Variants in ZNF516 observed in about 807,000 individuals in gnomAD.
ZNF516 encodes the protein zinc finger protein 516.
ZNF516 carries 19 observed loss-of-function variants against 79.7 expected under a neutral mutation model. The observed-to-expected ratio is 0.24, with a 90% CI of 0.17 to 0.35. The LOEUF (loss-of-function observed/expected upper bound fraction) is 0.35, where lower values mean the gene tolerates loss of function less well. Among genes scored for constraint, ZNF516 ranks in the 10% least tolerant of loss-of-function variants. ZNF516 has a pLI of 1.00. For missense variants in ZNF516, 1,678 were observed against 1,679.5 expected (o/e 1.00, Z 0.02); for synonymous variants, 877 against 739.5 (o/e 1.19, Z -3.02).
chr18:76,367,474 G>T (rs1943232335), intron 6 of ZNF516, among the ~76,000 whole-genome samples: 1 of 152,160 alleles, frequency 6.6e-6, no homozygotes, highest in Non-Finnish European at 1.5e-5. Context: ...AGGAGACCTG[G>T]TGCTCTCTAG....
chr18:76,458,336 C>T (rs1912859921), intron 2 of ZNF516, among the ~76,000 whole-genome samples: 1 of 152,194 alleles, frequency 6.6e-6, no homozygotes, highest in Admixed American at 6.5e-5. Context: ...AGCTCCAATT[C>T]CTGACGGGCC....
chr18:76,448,560 G>A (rs921152139), intron 2 of ZNF516, among the ~76,000 whole-genome samples: 1 of 152,156 alleles, frequency 6.6e-6, no homozygotes, highest in African/African-American at 2.4e-5. Context: ...AACACATACA[G>A]CCAGAAAGAA....
In ZNF516 at chr18:76,442,084, T is replaced by C; in HGVS notation, c.971A>G (p.Glu324Gly). The change falls in exon 3 of 7, where the codon GAG becomes GGG. Residue 324 changes from glutamate (E) to glycine (G), a missense_variant. Coordinates refer to ENST00000443185, the MANE Select transcript of ZNF516 (RefSeq NM_014643.4). Reference sequence around the variant, plus strand: ...GCTCAGGCCGGCGACGATCACCTCCTCCTGGACCACGTTGTTGATGGTGGC... The same window carrying C: ...GCTCAGGCCGGCGACGATCACCTCCCCCTGGACCACGTTGTTGATGGTGGC... ...PIATINNVVQ[E>G]EVIVAGLSLY... The C allele has an allele frequency of 6.2e-7, 1 of 1,614,016 alleles. No homozygotes were observed. The highest frequency in any genetic ancestry group is 8.5e-7 in the Non-Finnish European group (1 of 1,179,902).
In ZNF516 at chr18:76,441,412, C is replaced by G. The variant is rs558712591; in HGVS notation, c.1643G>C (p.Gly548Ala). The change falls in exon 3 of 7, where the codon GGG becomes GCG. Residue 548 changes from glycine (G) to alanine (A), a missense_variant. Transcript: ENST00000443185. Reference sequence around the variant, plus strand: ...GCAGCGGGCCCGCGCCGCCCTGTCCCCGTCACTGTCCCTCTCGCGGCGCGC... The same window carrying G: ...GCAGCGGGCCCGCGCCGCCCTGTCCGCGTCACTGTCCCTCTCGCGGCGCGC... ...RRARRERDSD[G>A]DRAARARCGS... The G allele has an allele frequency of 6.2e-7, 1 of 1,608,680 alleles. No homozygotes were observed. The highest frequency in any genetic ancestry group is 1.3e-5 in the African/African-American group (1 of 74,926).
At chr18:76,422,786 T>C (rs2075524716) in intron 3 of ZNF516, among the ~76,000 whole-genome samples, 1 of 152,024 alleles carries the variant, frequency 6.6e-6, no homozygotes, top group Admixed American at 6.6e-5. Context: ...ACTGCATATA[T>C]TGTGGGCAGA....
intron 4 of ZNF516, among the ~76,000 whole-genome samples, chr18:76,374,208 T>C (rs187858588): frequency 1.3e-5 from 2 of 152,380 alleles, no homozygotes; most frequent in Admixed American, 1.3e-4. Context: ...CTATTCTATC[T>C]GGAATTATTT....
At chr18:76,460,373 C>G (rs1913025615) in intron 2 of ZNF516, among the ~76,000 whole-genome samples, 2 of 152,282 alleles carry the variant, frequency 1.3e-5, no homozygotes, top group African/African-American at 4.8e-5. Flanking sequence ...CCTTCCAGGC[C>G]CCCGCTCTCT....
chr18:76,366,205 A>G (rs2074609238), intron 6 of ZNF516, among the ~76,000 whole-genome samples: 1 of 152,236 alleles, frequency 6.6e-6, no homozygotes, highest in Admixed American at 6.5e-5. Flanking sequence ...AATTTAATCA[A>G]TTTCAGCAGA....
rs765900865 is a variant in ZNF516, at chr18:76,359,995, G to T, written c.*2503C>A. On this transcript the variant is annotated 3_prime_UTR_variant, in exon 7 of 7. Transcript: ENST00000443185. Reference sequence around the variant, plus strand: ...CCCACAGCTGGCCTCAAGGGATGGCGTTCTTGGGGGGGCTCCCCAGTCTGT... The same window carrying T: ...CCCACAGCTGGCCTCAAGGGATGGCTTTCTTGGGGGGGCTCCCCAGTCTGT... 2.6e-5 allele frequency: 4 copies of T among 152,284 alleles called. No homozygotes were observed. The highest frequency in any genetic ancestry group is 2.6e-4 in the Admixed American group (4 of 15,286). The allele number at this position is 152,284 out of a possible 1,614,324, so 9.4% of individuals were successfully genotyped here. A position where few individuals can be genotyped will look rare whatever the true frequency, so the allele number is the denominator to read the frequency against.
intron 1 of ZNF516, among the ~76,000 whole-genome samples, chr18:76,471,382 C>T (rs1913829237): frequency 6.6e-6 from 1 of 152,160 alleles, no homozygotes; most frequent in Non-Finnish European, 1.5e-5. Context: ...GGCAGCGACC[C>T]CAGACACGGA....
At chr18:76,496,244 G>A (rs1008518765), upstream of ZNF516, 1 of 1,262,478 alleles carries the variant, frequency 7.9e-7, no homozygotes, top group South Asian at 1.3e-5. Context: ...GGGAGCTGCG[G>A]CCTGCGGAGG....
chr18:76,396,082 C>G (rs781618913), intron 3 of ZNF516, among the ~76,000 whole-genome samples: 5 of 152,144 alleles, frequency 3.3e-5, no homozygotes, highest in Non-Finnish European at 5.9e-5. Context: ...GTGATGGCCT[C>G]GAATGGTAGA....
At chr18:76,382,047 G>A (rs149547884) in intron 3 of ZNF516, among the ~76,000 whole-genome samples, 4 of 152,126 alleles carry the variant, frequency 2.6e-5, no homozygotes, top group African/African-American at 7.2e-5. Flanking sequence ...CAGGAGAATC[G>A]CTTGAACCCA....
intron 1 of ZNF516, among the ~76,000 whole-genome samples, chr18:76,468,794 A>G (rs1913652717): frequency 6.6e-6 from 1 of 152,144 alleles, no homozygotes; most frequent in Admixed American, 6.5e-5. Context: ...CAAAAAATTG[A>G]CACCCCTGAA....
intron 3 of ZNF516, among the ~76,000 whole-genome samples, chr18:76,440,104 T>A (rs2075796192): frequency 6.6e-6 from 1 of 152,252 alleles, no homozygotes; most frequent in Admixed American, 6.5e-5. Context: ...TCATAACCTG[T>A]GCGTGGATTC....
chr18:76,468,284 A>G (rs1913613360), intron 1 of ZNF516, among the ~76,000 whole-genome samples: 1 of 152,138 alleles, frequency 6.6e-6, no homozygotes, highest in African/African-American at 2.4e-5. Flanking sequence ...AAACAATCAC[A>G]CTCGCTCTCT....
chr18:76,441,043 C>G (rs1321937565), intron 3 of ZNF516, among the ~76,000 whole-genome samples: 1 of 152,154 alleles, frequency 6.6e-6, no homozygotes, highest in Non-Finnish European at 1.5e-5. Flanking sequence ...ACCCTGGGCA[C>G]AGGGACCCTG....
At chr18:76,470,448 T>C (rs947522336) in intron 1 of ZNF516, among the ~76,000 whole-genome samples, 1 of 152,302 alleles carries the variant, frequency 6.6e-6, no homozygotes, top group Admixed American at 6.5e-5. Context: ...ACATGCAACA[T>C]TTAGCGGACA....
chr18:76,406,113 G>A (rs2075301415), intron 3 of ZNF516, among the ~76,000 whole-genome samples: 1 of 152,168 alleles, frequency 6.6e-6, no homozygotes, highest in Non-Finnish European at 1.5e-5. Flanking sequence ...GGGACACCCT[G>A]CAGCCCCTCC....
Sources: gnomAD v4.1 joint callset for allele counts (sites outside exome capture counted in the v4.1 genomes callset) on GRCh38, gnomAD v4.1.1 for gene constraint, MANE v1.5 for transcripts, NCBI Gene and HGNC (gene_info 2026-07-23, HGNC 2026-07-21) for gene names.